The following VAV3 variants were observed in gnomAD, a reference collection of about 807,000 sequenced individuals.
VAV3 encodes the protein guanine nucleotide exchange factor VAV3.
VAV3 carries 94 observed loss-of-function variants against 131.2 expected under a neutral mutation model. That is an observed-to-expected ratio of 0.72 (90% CI 0.61 to 0.85). The LOEUF (loss-of-function observed/expected upper bound fraction) is 0.85. Among genes scored for constraint, VAV3 ranks in the 40% least tolerant of loss-of-function variants. VAV3 has a pLI of 0.00. For missense variants in VAV3, 939 were observed against 1,002.7 expected, an observed-to-expected ratio of 0.94 and a Z score of 0.86; for synonymous variants, 349 against 342.0, an observed-to-expected ratio of 1.02 and a Z score of -0.22.
chr1:107,593,547 A>T (rs1278200753), intron 25 of VAV3, among the ~76,000 whole-genome samples: 2 of 152,078 alleles, frequency 1.3e-5, no homozygotes, highest in African/African-American at 4.8e-5. Context: ...TCCCAAGGTA[A>T]TAATGCTTGG....
At chr1:107,579,413 A>G (rs1226399870) in intron 25 of VAV3, among the ~76,000 whole-genome samples, 1 of 152,174 alleles carries the variant, frequency 6.6e-6, no homozygotes, top group Non-Finnish European at 1.5e-5. Flanking sequence ...CCTGTAATCT[A>G]GCTCAAAGTC....
intron 19 of VAV3, among the ~76,000 whole-genome samples, chr1:107,682,833 T>A (rs2504455): frequency 0.7 from 105,815 of 152,118 alleles, 36,965 homozygotes; most frequent in African/African-American, 0.73. Flanking sequence ...TACCTTTTAC[T>A]CACAACAAAA....
At chr1:107,611,542 C>T (rs1320533571) in intron 21 of VAV3, among the ~76,000 whole-genome samples, 1 of 148,106 alleles carries the variant, frequency 6.8e-6, no homozygotes, top group Non-Finnish European at 1.5e-5. Context: ...TCCCTGTGTT[C>T]TTTAAAAGTA....
chr1:107,960,370 G>A (rs761236527), intron 1 of VAV3, among the ~76,000 whole-genome samples: 3 of 151,946 alleles, frequency 2.0e-5, no homozygotes, highest in African/African-American at 7.3e-5. Context: ...GGAGGCTCAG[G>A]AACGAGAAAC....
At chr1:107,700,220 CAGTCAACTT>C in intron 17 of VAV3, among the ~76,000 whole-genome samples, 1 of 152,166 alleles carries the variant, frequency 6.6e-6, no homozygotes. Flanking sequence ...ATGGTCTATG[CAGTCAACTT>C]TCAACTTCCT....
intron 19 of VAV3, among the ~76,000 whole-genome samples, chr1:107,658,315 A>G (rs909972122): frequency 2.0e-5 from 3 of 152,212 alleles, no homozygotes; most frequent in Admixed American, 2.0e-4. Flanking sequence ...TCCACGGTGT[A>G]TATGTGCCAC....
chr1:107,872,993 G>A (rs538856431), intron 2 of VAV3, among the ~76,000 whole-genome samples: 2 of 152,216 alleles, frequency 1.3e-5, no homozygotes, highest in South Asian at 2.1e-4. Flanking sequence ...TTAACTTTCA[G>A]TGTTTTCTTT....
intron 16 of VAV3, 119 bp from the exon 17 acceptor site, chr1:107,704,769 A>G (rs1032510687): frequency 4.1e-6 from 4 of 985,466 alleles, no homozygotes; most frequent in Non-Finnish European, 6.1e-6. Flanking sequence ...CCCTTGGTAG[A>G]GGGAGACGAG....
intron 15 of VAV3, among the ~76,000 whole-genome samples, chr1:107,747,689 C>G (rs1663439568): frequency 6.6e-6 from 1 of 152,080 alleles, no homozygotes; most frequent in South Asian, 2.1e-4. Flanking sequence ...AAATATCATT[C>G]CTATTTTACA....
chr1:107,936,001 T>C (rs1052017542), intron 1 of VAV3, among the ~76,000 whole-genome samples: 1 of 152,160 alleles, frequency 6.6e-6, no homozygotes, highest in Admixed American at 6.5e-5. Context: ...GAGGACACAT[T>C]TATGCCCCTT....
intron 1 of VAV3, among the ~76,000 whole-genome samples, chr1:107,948,257 G>A (rs1020065574): frequency 2.6e-5 from 4 of 152,048 alleles, no homozygotes; most frequent in Admixed American, 2.6e-4. Flanking sequence ...ACATGAATGA[G>A]AGAAAATAAG....
At chr1:107,815,161 C>T (rs1392448428) in intron 2 of VAV3, among the ~76,000 whole-genome samples, 1 of 152,182 alleles carries the variant, frequency 6.6e-6, no homozygotes, top group Admixed American at 6.5e-5. Flanking sequence ...CCTTCCCATG[C>T]ATGAATAGTG....
At chr1:107,826,034 A>G (rs1667995361) in intron 2 of VAV3, among the ~76,000 whole-genome samples, 1 of 152,198 alleles carries the variant, frequency 6.6e-6, no homozygotes, top group Non-Finnish European at 1.5e-5. Context: ...AGAGAGGCAT[A>G]TGTACTCTTA....
chr1:107,673,313 G>A (rs1657957114), intron 19 of VAV3, among the ~76,000 whole-genome samples: 1 of 152,070 alleles, frequency 6.6e-6, no homozygotes, highest in African/African-American at 2.4e-5. Flanking sequence ...TCCTTGATGT[G>A]CATCAACCAA....
intron 1 of VAV3, among the ~76,000 whole-genome samples, chr1:107,961,216 T>C (rs1675067149): frequency 6.6e-6 from 1 of 152,184 alleles, no homozygotes; most frequent in African/African-American, 2.4e-5. Flanking sequence ...AAGCATAGTA[T>C]AAAGCAAAAT....
intron 1 of VAV3, among the ~76,000 whole-genome samples, chr1:107,883,368 A>G (rs1316539362): frequency 2.0e-5 from 3 of 152,182 alleles, no homozygotes; most frequent in Non-Finnish European, 4.4e-5. Flanking sequence ...GAATACATCT[A>G]TATTGTCTTT....
At chr1:107,760,450 T>A (rs1357114056) in intron 10 of VAV3, among the ~76,000 whole-genome samples, 3 of 152,164 alleles carry the variant, frequency 2.0e-5, no homozygotes, top group Non-Finnish European at 2.9e-5. Context: ...TCAAGTGCAC[T>A]GCAATATTGA....
chr1:107,961,159 T>C (rs1038779616), intron 1 of VAV3, among the ~76,000 whole-genome samples: 6 of 152,186 alleles, frequency 3.9e-5, no homozygotes, highest in African/African-American at 7.2e-5. Context: ...TTACATACAC[T>C]GTCCATAGTG....
chr1:107,780,721 G>A (rs181361300), intron 2 of VAV3, among the ~76,000 whole-genome samples: 43 of 152,128 alleles, frequency 2.8e-4, no homozygotes, highest in Non-Finnish European at 4.7e-4. Flanking sequence ...TCGCTATGTC[G>A]GCCAGGCTGG....
Sources: allele counts gnomAD v4.1 joint callset (sites outside exome capture counted in the v4.1 genomes callset), GRCh38; gene constraint gnomAD v4.1.1; transcripts MANE v1.5; gene names NCBI Gene and HGNC (gene_info 2026-07-23, HGNC 2026-07-21).